KCNAB1: variants seen among roughly 807,000 people sequenced by gnomAD.
The protein encoded by KCNAB1 is potassium voltage-gated channel subfamily A regulatory beta subunit 1, also known as voltage-gated potassium channel subunit beta-1.
Under a neutral mutation model 64.6 loss-of-function variants are expected in KCNAB1, and 35 were observed. The observed-to-expected ratio is 0.54, with a 90% CI of 0.41 to 0.72. The LOEUF is 0.72. Ranked by LOEUF, KCNAB1 falls within the 30% of genes least tolerant of loss-of-function variation. KCNAB1 has a pLI of 0.00. For synonymous variants in KCNAB1, 177 were observed against 183.8 expected, an observed-to-expected ratio of 0.96 and a Z score of 0.30; for missense variants, 401 against 512.9, an observed-to-expected ratio of 0.78 and a Z score of 2.11.
Position 156,452,859 on chromosome 3 carries a change from AATG to A in KCNAB1, c.320-32_320-30del, listed in dbSNP as rs776422323. ...CCCTTATTACGCACAATATTAGAAA[AATG>A]ATGATGAATAATATGCAAATATTTA... On this transcript the variant is annotated intron_variant, in intron 2 of 13. Transcript: ENST00000490337. The surrounding 1 kb of genome is among the most constrained non-coding windows in gnomAD (Gnocchi z 4.6). The A allele has an allele frequency of 4.1e-6, 6 of 1,470,336 alleles. No individual in the cohort carries two copies. Among genetic ancestry groups the A allele is most frequent in the Non-Finnish European group, 5.7e-6 (6 of 1,061,580 alleles). The allele number at this position is 1,470,336 out of a possible 1,614,324, so 91.1% of individuals were successfully genotyped here.
chr3:156,332,946 T>C (rs1201553573), intron 1 of KCNAB1, among the ~76,000 whole-genome samples: 1 of 152,180 alleles, frequency 6.6e-6, no homozygotes, highest in African/African-American at 2.4e-5. Flanking sequence ...CAAAATTATG[T>C]ATCTTTTCCT....
rs562985163 is a variant in KCNAB1, at chr3:156,381,335, G to T, written c.276-40281G>T. 2.0e-5 allele frequency among the ~76,000 whole-genome samples: 3 copies of T among 152,324 alleles called. No individual in the cohort carries two copies. The South Asian group carries it at 6.2e-4, about 32-fold the overall frequency. On this transcript the variant is annotated intron_variant, in intron 1 of 13. Coordinates refer to ENST00000490337, the MANE Select transcript of KCNAB1 (RefSeq NM_172160.3). Reference sequence around the variant, plus strand: ...AGCATGAGATCCTCCAAAGTGTGTAGCAGTTTTAGAGAAGAGTCCCAGTAG... The same window carrying T: ...AGCATGAGATCCTCCAAAGTGTGTATCAGTTTTAGAGAAGAGTCCCAGTAG...
intron 1 of KCNAB1, among the ~76,000 whole-genome samples, chr3:156,398,851 A>G (rs1713681001): frequency 6.6e-6 from 1 of 152,178 alleles, no homozygotes; most frequent in South Asian, 2.1e-4. Flanking sequence ...CTCCTGGAGC[A>G]TATCCATCCT....
At position 156,177,035 on chromosome 3, in the gene KCNAB1, C is replaced by T. The variant is rs1712426878; in HGVS notation, c.275+56149C>T. 4 of 533,552 alleles carry T rather than the reference C, an allele frequency of 7.5e-6. No homozygotes were observed. The Admixed American group carries it at 1.0e-4, about 14-fold the overall frequency. The allele number at this position is 533,552 out of a possible 1,614,324, so 33.1% of individuals were successfully genotyped here. The stretch of plus-strand genomic sequence containing the variant: ...TCCCTGTAGTGCCTCTGTCCCTTCC[C>T]CATCCTTCAAATCTGCTTGCAGCTA... On this transcript the variant is annotated intron_variant, in intron 1 of 13. Coordinates refer to ENST00000490337, the MANE Select transcript of KCNAB1 (RefSeq NM_172160.3).
intron 8 of KCNAB1, among the ~76,000 whole-genome samples, chr3:156,502,938 T>C (rs977051446): frequency 2.0e-5 from 3 of 152,362 alleles, no homozygotes; most frequent in Admixed American, 1.3e-4. Context: ...TTGCTCCAGA[T>C]AAAATTTAAA....
chr3:156,338,074 A>G (rs1381557345), intron 1 of KCNAB1, among the ~76,000 whole-genome samples: 1 of 152,124 alleles, frequency 6.6e-6, no homozygotes, highest in African/African-American at 2.4e-5. Context: ...GCTGGCCTCC[A>G]GAGATGAGGG....
At chr3:156,293,060 A>C (rs150063890) in intron 1 of KCNAB1, among the ~76,000 whole-genome samples, 55 of 152,308 alleles carry the variant, frequency 3.6e-4, no homozygotes, top group African/African-American at 1.2e-3. Context: ...AAGCTTCCTC[A>C]TCCCCTATGT....
At chr3:156,387,856 GA>G (rs1293293223) in intron 1 of KCNAB1, among the ~76,000 whole-genome samples, 1 of 152,170 alleles carries the variant, frequency 6.6e-6, no homozygotes, top group East Asian at 1.9e-4. Flanking sequence ...AACCATTATA[GA>G]AGAAAAGAGT....
intron 1 of KCNAB1, among the ~76,000 whole-genome samples, chr3:156,294,690 C>T (rs1720669729): frequency 6.6e-6 from 1 of 152,008 alleles, no homozygotes; most frequent in South Asian, 2.1e-4. Flanking sequence ...CTGGAGAATG[C>T]CTGAAATAAC....
intron 1 of KCNAB1, among the ~76,000 whole-genome samples, chr3:156,363,158 A>G (rs1241079038): frequency 6.6e-6 from 1 of 152,266 alleles, no homozygotes; most frequent in African/African-American, 2.4e-5. Context: ...ATCACATTTG[A>G]AATTAATGAC....
chr3:156,409,677 G>C (rs577156173), intron 1 of KCNAB1, among the ~76,000 whole-genome samples: 5 of 152,154 alleles, frequency 3.3e-5, no homozygotes, highest in Non-Finnish European at 7.3e-5. Context: ...CTGGTTGCAG[G>C]TATTTCCTAG....
intron 1 of KCNAB1, among the ~76,000 whole-genome samples, chr3:156,127,399 A>G (rs1237985758): frequency 6.6e-6 from 1 of 152,220 alleles, no homozygotes; most frequent in Non-Finnish European, 1.5e-5. Context: ...GCAGTCACAT[A>G]GAAGTATTAT....
At chr3:156,165,903 G>C (rs965678685) in intron 1 of KCNAB1, among the ~76,000 whole-genome samples, 2 of 152,170 alleles carry the variant, frequency 1.3e-5, no homozygotes, top group African/African-American at 4.8e-5. Context: ...GGGCATCTCT[G>C]CCTTCTTGTT....
intron 1 of KCNAB1, among the ~76,000 whole-genome samples, chr3:156,361,574 C>T (rs74758747): frequency 0.016 from 2,408 of 152,256 alleles, 62 homozygotes; most frequent in African/African-American, 0.053. Context: ...TTTTTCATTG[C>T]GATAGCCCTA....
intron 1 of KCNAB1, among the ~76,000 whole-genome samples, chr3:156,340,478 C>T (rs1280079345): frequency 6.6e-6 from 1 of 152,148 alleles, no homozygotes; most frequent in African/African-American, 2.4e-5. Flanking sequence ...AGCTGAGGGG[C>T]ACCATGGCAG....
chr3:156,313,214 CAT>C (rs1300725168), intron 1 of KCNAB1, among the ~76,000 whole-genome samples: 1 of 152,112 alleles, frequency 6.6e-6, no homozygotes. Flanking sequence ...AATTCACTGA[CAT>C]ATTTGCTGGA....
chr3:156,245,390 C>G (rs186018669), intron 1 of KCNAB1, among the ~76,000 whole-genome samples: 2 of 152,252 alleles, frequency 1.3e-5, no homozygotes, highest in Non-Finnish European at 2.9e-5. Context: ...TTCCCCTAAT[C>G]ATAACATCTT....
intron 1 of KCNAB1, among the ~76,000 whole-genome samples, chr3:156,273,357 C>T (rs745922810): frequency 9.9e-5 from 15 of 152,156 alleles, no homozygotes; most frequent in African/African-American, 3.6e-4. Flanking sequence ...AGCACTTTAC[C>T]CCCTGGCAGT....
At chr3:156,500,899 C>T (rs1716353987) in intron 8 of KCNAB1, among the ~76,000 whole-genome samples, 1 of 152,174 alleles carries the variant, frequency 6.6e-6, no homozygotes, top group Admixed American at 6.5e-5. Flanking sequence ...ATCTTGACCA[C>T]GTTCTATGAT....
Sources: gnomAD v4.1 joint callset for allele counts (sites outside exome capture counted in the v4.1 genomes callset) on GRCh38, gnomAD v4.1.1 for gene constraint, Gnocchi (gnomAD v3.1) non-coding constraint, MANE v1.5 for transcripts, NCBI Gene and HGNC (gene_info 2026-07-23, HGNC 2026-07-21) for gene names.